The following GRM7 variants were observed in gnomAD, a reference collection of about 807,000 sequenced individuals.
GRM7 encodes glutamate metabotropic receptor 7.
A neutral mutation model predicts 84.5 loss-of-function variants in GRM7; 35 were observed. That is an observed-to-expected ratio of 0.41 (90% confidence interval 0.32 to 0.55). The LOEUF (loss-of-function observed/expected upper bound fraction) is 0.55. GRM7 is among the 20% of genes least tolerant of loss of function. The pLI is 0.19. For missense variants in GRM7, 1,003 were observed against 1,194.6 expected (o/e 0.84, Z 2.36); for synonymous variants, 487 against 455.1 (o/e 1.07, Z -0.89).
At chr3:7,125,645 T>C (rs570594310) in intron 1 of GRM7, among the ~76,000 whole-genome samples, 2 of 152,360 alleles carry the variant, frequency 1.3e-5, no homozygotes, top group Non-Finnish European at 2.9e-5. Flanking sequence ...TATCTCTGGG[T>C]ACCCTGTTGG....
intron 1 of GRM7, among the ~76,000 whole-genome samples, chr3:7,011,239 T>C (rs976443645): frequency 5.9e-5 from 9 of 152,342 alleles, no homozygotes; most frequent in African/African-American, 2.2e-4. Flanking sequence ...CATACATTAA[T>C]GTTACCAATA....
At chr3:6,889,808 T>C in intron 1 of GRM7, among the ~76,000 whole-genome samples, 1 of 152,184 alleles carries the variant, frequency 6.6e-6, no homozygotes, top group Non-Finnish European at 1.5e-5. Context: ...GAAGGAATGG[T>C]ACCAGTTCCT....
chr3:7,576,783 T>C (rs1354503477), intron 7 of GRM7, among the ~76,000 whole-genome samples: 2 of 152,218 alleles, frequency 1.3e-5, no homozygotes, highest in Non-Finnish European at 2.9e-5. Context: ...GTAGTACATC[T>C]TTTGTGACTT....
intron 4 of GRM7, among the ~76,000 whole-genome samples, chr3:7,337,219 C>A (rs58743436): frequency 0.039 from 5,937 of 152,010 alleles, 244 homozygotes; most frequent in African/African-American, 0.1. Flanking sequence ...AGCCACACGT[C>A]GAAGAATAAA....
chr3:7,027,646 A>AT (rs1238210784), intron 1 of GRM7, among the ~76,000 whole-genome samples: 1 of 152,108 alleles, frequency 6.6e-6, no homozygotes, highest in Non-Finnish European at 1.5e-5. Flanking sequence ...AAGGCAAAAA[A>AT]CCTTGTAAGA....
chr3:7,266,161 A>T (rs73809048), intron 2 of GRM7, among the ~76,000 whole-genome samples: 5,138 of 152,260 alleles, frequency 0.034, 294 homozygotes, highest in African/African-American at 0.11. Context: ...AAGGTACAAT[A>T]ATACAGTAGG....
intron 4 of GRM7, among the ~76,000 whole-genome samples, chr3:7,361,649 T>C (rs1268119281): frequency 2.6e-5 from 4 of 152,118 alleles, no homozygotes; most frequent in Non-Finnish European, 5.9e-5. Flanking sequence ...CAGGATTCTT[T>C]GGTTGAAAGC....
intron 1 of GRM7, among the ~76,000 whole-genome samples, chr3:6,916,288 C>T (rs540757083): frequency 1.3e-5 from 2 of 152,166 alleles, no homozygotes; most frequent in South Asian, 4.1e-4. Flanking sequence ...GAAACAGTCA[C>T]ACAAATGTAA....
intron 1 of GRM7, among the ~76,000 whole-genome samples, chr3:6,912,467 C>G (rs924813048): frequency 3.3e-5 from 5 of 152,148 alleles, no homozygotes; most frequent in African/African-American, 1.2e-4. Flanking sequence ...GGGAGGCCCA[C>G]CAACAAGCTC....
intron 7 of GRM7, among the ~76,000 whole-genome samples, chr3:7,504,662 A>G (rs763019046): frequency 6.6e-6 from 1 of 152,192 alleles, no homozygotes; most frequent in Non-Finnish European, 1.5e-5. Context: ...AGGCACTCCC[A>G]CGATAATGAA....
At chr3:7,371,534 A>G (rs1694133205) in intron 4 of GRM7, among the ~76,000 whole-genome samples, 1 of 152,180 alleles carries the variant, frequency 6.6e-6, no homozygotes, top group Non-Finnish European at 1.5e-5. Flanking sequence ...AGTTATAGCT[A>G]ATAATTCTTG....
In GRM7 at chr3:6,902,850, T is replaced by TACACACACACACACAC. The variant is rs34849112; in HGVS notation, c.519+40960_519+40975dup. ...AACAACACGATCACAAACAGACTCCTACACACACACACACACACACACACA... is the reference window on the plus strand; with the variant it reads ...AACAACACGATCACAAACAGACTCCTACACACACACACACACACACACACACACACACACACACACA... On this transcript the variant is annotated intron_variant, in intron 1 of 9. Transcript: ENST00000357716. Among the ~76,000 whole-genome samples the TACACACACACACACAC allele has an allele frequency of 3.8e-3, 507 of 134,528 alleles. 4 individuals carry two copies. Among genetic ancestry groups the TACACACACACACACAC allele is most frequent in the Non-Finnish European group, 6.1e-3 (356 of 58,448 alleles). The allele number at this position is 134,528 out of a possible 152,430, so 88.3% of individuals were successfully genotyped here. A position where few individuals can be genotyped will look rare whatever the true frequency, so the allele number is the denominator to read the frequency against.
intron 8 of GRM7, chr3:7,606,848 A>G (rs940373069): frequency 1.3e-5 from 2 of 152,116 alleles, no homozygotes; most frequent in Non-Finnish European, 2.9e-5. Flanking sequence ...TTTTCTTAAT[A>G]ATCAAGGACA....
intron 9 of GRM7, chr3:7,686,403 G>T (rs1187213801): frequency 6.4e-7 from 1 of 1,563,150 alleles, no homozygotes; most frequent in Non-Finnish European, 8.8e-7. Flanking sequence ...CTGTTACTTG[G>T]TACACTATCC....
chr3:7,535,640 G>A (rs1575465735), intron 7 of GRM7, among the ~76,000 whole-genome samples: 1 of 152,198 alleles, frequency 6.6e-6, no homozygotes, highest in Non-Finnish European at 1.5e-5. Flanking sequence ...CATAGTAAGA[G>A]TCTCTGTCAG....
At chr3:7,070,337 C>T (rs187522492) in intron 1 of GRM7, among the ~76,000 whole-genome samples, 7 of 152,114 alleles carry the variant, frequency 4.6e-5, no homozygotes, top group Non-Finnish European at 5.9e-5. Flanking sequence ...AAAAAAATAA[C>T]CTGCTCTCAA....
chr3:6,984,622 A>G (rs1012848161), intron 1 of GRM7, among the ~76,000 whole-genome samples: 2 of 152,038 alleles, frequency 1.3e-5, no homozygotes, highest in African/African-American at 4.8e-5. Context: ...TCTGAACATG[A>G]CTGGCATCTA....
At chr3:7,525,788 A>C (rs1700782461) in intron 7 of GRM7, among the ~76,000 whole-genome samples, 1 of 152,076 alleles carries the variant, frequency 6.6e-6, no homozygotes, top group South Asian at 2.1e-4. Context: ...GCTCTCACTT[A>C]TAAGTGAGAA....
intron 1 of GRM7, among the ~76,000 whole-genome samples, chr3:7,118,593 G>A (rs116812031): frequency 1.4e-5 from 2 of 146,082 alleles, no homozygotes; most frequent in East Asian, 2.0e-4. Context: ...TTGGAGGCTC[G>A]ATCTTTCCAA....
Sources: allele counts gnomAD v4.1 joint callset (sites outside exome capture counted in the v4.1 genomes callset), GRCh38; gene constraint gnomAD v4.1.1; transcripts MANE v1.5; gene names NCBI Gene and HGNC (gene_info 2026-07-23, HGNC 2026-07-21).